The following NREP variants were observed in gnomAD, a reference collection of about 807,000 sequenced individuals.
The protein encoded by NREP is neuronal regeneration related protein.
In NREP, 5 loss-of-function variants were observed where a neutral mutation model predicts 8.6. The ratio of observed to expected loss-of-function variants is 0.58; its 90% CI spans 0.30 to 1.22. The LOEUF is 1.22. Ranked by LOEUF, NREP falls within the 50% of genes most tolerant of loss-of-function variation. The probability of loss-of-function intolerance (pLI) is 0.07; values close to 1 mark genes in which losing one functional copy is unlikely to be tolerated. For missense variants in NREP, 86 were observed against 82.5 expected, an observed-to-expected ratio of 1.04 and a Z score of -0.17; for synonymous variants, 27 against 28.0, an observed-to-expected ratio of 0.96 and a Z score of 0.11.
chr5:111,744,835 A>C (rs539972448), intron 2 of NREP, among the ~76,000 whole-genome samples: 13 of 152,308 alleles, frequency 8.5e-5, no homozygotes, highest in Admixed American at 2.6e-4. Flanking sequence ...TGAAAAAGGT[A>C]GTAGTGGAAA....
intron 2 of NREP, among the ~76,000 whole-genome samples, chr5:111,862,229 T>C (rs1419540168): frequency 1.3e-5 from 2 of 152,176 alleles, no homozygotes; most frequent in South Asian, 2.1e-4. Flanking sequence ...CCAGCATTTA[T>C]CCATGCACAA....
chr5:111,851,806 T>A (rs1753317109), intron 2 of NREP, among the ~76,000 whole-genome samples: 1 of 152,192 alleles, frequency 6.6e-6, no homozygotes, highest in Non-Finnish European at 1.5e-5. Flanking sequence ...CTGTGTGAGG[T>A]AATGTATACA....
upstream of NREP, chr5:111,757,546 G>C (rs1421792279): frequency 4.1e-6 from 4 of 984,744 alleles, no homozygotes; most frequent in Admixed American, 1.2e-4. Flanking sequence ...AGCCGCCTAG[G>C]AGCCAGACTG....
At chr5:111,936,620 A>G (rs1352175419) in intron 2 of NREP, among the ~76,000 whole-genome samples, 1 of 152,076 alleles carries the variant, frequency 6.6e-6, no homozygotes, top group Admixed American at 6.6e-5. Context: ...TTCTGAGGAC[A>G]TGTATTTTAG....
At chr5:111,881,010 A>C (rs1474065976) in intron 2 of NREP, among the ~76,000 whole-genome samples, 1 of 152,228 alleles carries the variant, frequency 6.6e-6, no homozygotes, top group Non-Finnish European at 1.5e-5. Flanking sequence ...GCATGAGCCG[A>C]AGCAGGGCGA....
chr5:111,768,938 AC>A (rs1751150741), intron 2 of NREP, among the ~76,000 whole-genome samples: 1 of 152,174 alleles, frequency 6.6e-6, no homozygotes, highest in African/African-American at 2.4e-5. Context: ...AAATCTCCAA[AC>A]TGTTTTCCAC....
chr5:111,735,618 C>A, intron 2 of NREP, 111 bp from the exon 3 acceptor site: 1 of 728,378 alleles, frequency 1.4e-6, no homozygotes, highest in Non-Finnish European at 2.4e-6. Flanking sequence ...TTATTCCCGA[C>A]TACCACTTAG....
At chr5:111,782,615 C>T (rs571338218) in intron 2 of NREP, among the ~76,000 whole-genome samples, 3 of 152,212 alleles carry the variant, frequency 2.0e-5, no homozygotes, top group South Asian at 4.2e-4. Flanking sequence ...TCTAAATTAA[C>T]TCTAAATATA....
In NREP at chr5:111,952,271, C is replaced by T. The variant is rs1454863919; in HGVS notation, c.135+23003G>A. On this transcript the variant is annotated intron_variant, in intron 2 of 3. Coordinates refer to the NREP transcript ENST00000395634. The stretch of plus-strand genomic sequence containing the variant: ...CGTCTCTACCATCTACACCTAAGGC[C>T]AGCCAGTTAGGCAAGAATGAGAATA... 2.0e-5 allele frequency among the ~76,000 whole-genome samples: 3 copies of T among 152,254 alleles called. No homozygotes were observed. In the East Asian group the frequency reaches 5.8e-4, roughly 30 times the overall value.
rs1248030730 is a variant in NREP at position 111,747,674 on chromosome 5, G to T, written c.3+8096C>A. On this transcript the variant is annotated intron_variant, in intron 2 of 3. Transcript: ENST00000257435. ...CCTTCCTTTTCAATCAATGGCTCTGGTTCCCAAATTTCAGTGAAAAGGGGC... is the reference window on the plus strand; with the variant it reads ...CCTTCCTTTTCAATCAATGGCTCTGTTTCCCAAATTTCAGTGAAAAGGGGC... Among the ~76,000 whole-genome samples, 3 of 152,052 alleles carry T rather than the reference G, an allele frequency of 2.0e-5. No individual in the cohort carries two copies. In the East Asian group the frequency reaches 5.8e-4, roughly 29 times the overall value.
rs143169938 is a variant in NREP at position 111,741,761 on chromosome 5, T to C, written c.4-6254A>G. On this transcript the variant is annotated intron_variant, in intron 2 of 3. Transcript: ENST00000257435. ...CAGAATAAAAGTGCTGGGGCTTAGG[T>C]TGGCAAGCATTCTGGCTTGGGGGCT... Among the ~76,000 whole-genome samples, 5 of 151,842 alleles carry C rather than the reference T, an allele frequency of 3.3e-5. No individual in the cohort carries two copies. In the East Asian group the frequency reaches 7.8e-4, roughly 24 times the overall value.
At chr5:111,770,821 C>T (rs1027955391) in intron 2 of NREP, among the ~76,000 whole-genome samples, 1 of 152,086 alleles carries the variant, frequency 6.6e-6, no homozygotes, top group African/African-American at 2.4e-5. Context: ...CCACCCGCCT[C>T]AGCCTTTCAA....
chr5:111,968,661 C>G (rs942710930), intron 2 of NREP, among the ~76,000 whole-genome samples: 1 of 152,190 alleles, frequency 6.6e-6, no homozygotes, highest in East Asian at 1.9e-4. Context: ...AACTGATGAC[C>G]TTTCCTGCAG....
intron 2 of NREP, among the ~76,000 whole-genome samples, chr5:111,834,019 A>C (rs1752836007): frequency 6.6e-6 from 1 of 152,154 alleles, no homozygotes; most frequent in Admixed American, 6.6e-5. Context: ...CAAATTCCCT[A>C]AGCTCAGGCT....
Position 111,970,825 on chromosome 5 carries a change from CAAA to C in NREP, c.135+4446_135+4448del, listed in dbSNP as rs33962098. 2.3e-3 allele frequency among the ~76,000 whole-genome samples: 124 copies of C among 53,624 alleles called. 1 individual carries two copies. Among genetic ancestry groups the C allele is most frequent in the African/African-American group, 9.0e-3 (116 of 12,948 alleles). 35.2% of individuals were successfully genotyped at this position (53,624 alleles called of 152,430 possible). The stretch of plus-strand genomic sequence containing the variant: ...TGGTTGACAAAGCAAGACTCCATCT[CAAA>C]AAAAAAAAAAAAAAAAAAAAAGAAA... On this transcript the variant is annotated intron_variant, in intron 2 of 3. Transcript: ENST00000395634.
chr5:111,917,783 C>G (rs1316206086), intron 2 of NREP, among the ~76,000 whole-genome samples: 1 of 152,212 alleles, frequency 6.6e-6, no homozygotes, highest in Admixed American at 6.5e-5. Context: ...GAAGCATTCC[C>G]TTTGAAAACC....
At chr5:111,872,527 G>T (rs1753813627) in intron 2 of NREP, among the ~76,000 whole-genome samples, 1 of 152,134 alleles carries the variant, frequency 6.6e-6, no homozygotes, top group South Asian at 2.1e-4. Flanking sequence ...TTGATCTTTA[G>T]GAAGTCCGAT....
At chr5:111,951,455 C>T (rs1425826033) in intron 2 of NREP, among the ~76,000 whole-genome samples, 4 of 151,986 alleles carry the variant, frequency 2.6e-5, no homozygotes, top group Admixed American at 6.6e-5. Context: ...TAGAACATAG[C>T]GGTGGTCATA....
At chr5:111,886,399 T>C (rs1164948417) in intron 2 of NREP, among the ~76,000 whole-genome samples, 1 of 152,166 alleles carries the variant, frequency 6.6e-6, no homozygotes, top group Admixed American at 6.5e-5. Context: ...TCAGCCATTG[T>C]GGAAGTCAGT....
Sources: allele counts gnomAD v4.1 joint callset (sites outside exome capture counted in the v4.1 genomes callset), GRCh38; gene constraint gnomAD v4.1.1; transcripts MANE v1.5; gene names NCBI Gene and HGNC (gene_info 2026-07-23, HGNC 2026-07-21).